Variants in PRR14 observed in about 807,000 individuals in gnomAD.
The protein encoded by PRR14 is proline rich 14, also known as proline-rich protein 14.
A neutral mutation model predicts 57.2 loss-of-function variants in PRR14; 33 were observed. The observed-to-expected ratio is 0.58, with a 90% CI of 0.44 to 0.77. PRR14 has a LOEUF of 0.77. Among genes scored for constraint, PRR14 ranks in the 30% least tolerant of loss-of-function variants. PRR14 has a pLI of 0.00. For missense variants in PRR14, 716 were observed against 788.1 expected (o/e 0.91, Z 1.10); for synonymous variants, 303 against 314.7 (o/e 0.96, Z 0.39).
chr16:30,656,112 C>T lies in PRR14; in HGVS notation c.1559C>T (p.Ala520Val), dbSNP rs750573009. The stretch of plus-strand genomic sequence containing the variant: ...ACCAGCTCAAGGAAGCTCCGGCGGG[C>T]TGTGGAATTTCGGGACAGCAGCCTT... ...IFTSSRKLRR[A>V]VEFRDSSLPR... The change falls in exon 12 of 12, where the codon GCT becomes GTT. Residue 520 changes from alanine to valine, a missense_variant. Coordinates refer to ENST00000300835, the MANE Select transcript of PRR14 (RefSeq NM_024031.5). The T allele has an allele frequency of 1.9e-6, 3 of 1,569,066 alleles. No individual in the cohort carries two copies. The highest frequency in any genetic ancestry group is 2.6e-6 in the Non-Finnish European group (3 of 1,159,716).
rs144579345 is a variant in PRR14, at chr16:30,652,670, C to CCGT, written c.193-49_193-47dup. The CCGT allele has an allele frequency of 2.2e-3, 3,502 of 1,611,268 alleles. 70 individuals are homozygous for CCGT. In the African/African-American group the frequency reaches 0.04, roughly 19 times the overall value. On this transcript the variant is annotated intron_variant, in intron 3 of 11. Transcript: ENST00000300835. ...CTGTGAGGCACAGGGAAACCTTGTCCCGTCCAGCCTCATTCTATCACCTTG... is the reference window on the plus strand; with the variant it reads ...CTGTGAGGCACAGGGAAACCTTGTCCCGTCGTCCAGCCTCATTCTATCACCTTG...
Position 30,654,798 on chromosome 16 carries a change from G to A in PRR14, c.828G>A (p.Pro276=), listed in dbSNP as rs2972807. Residue 276 remains proline (P), a synonymous_variant, in exon 8 of 12, where the codon CCG becomes CCA. Coordinates refer to ENST00000300835, the MANE Select transcript of PRR14 (RefSeq NM_024031.5). ...TPNKTPQPPP[P]SPPMKLELKI... is the part of the protein sequence containing the mutation. ...ACAAAACCCCACAGCCCCCACCCCC[G>A]TCCCCCCCAATGAAGCTGGAGTTGA... 5.9e-5 allele frequency: 35 copies of A among 597,146 alleles called. No homozygotes were observed. The Middle Eastern group carries it at 9.9e-4, about 17-fold the overall frequency. 37.0% of individuals were successfully genotyped at this position (597,146 alleles called of 1,614,324 possible).
chr16:30,650,883 C>A, upstream of PRR14: 1 of 391,242 alleles, frequency 2.6e-6, no homozygotes, highest in Non-Finnish European at 5.4e-6. Context: ...AACTTCTGAA[C>A]CATCTGGTCC....
intron 3 of PRR14, 171 bp downstream of exon 3, chr16:30,652,135 C>A (rs942317700): frequency 2.7e-6 from 2 of 748,826 alleles, no homozygotes; most frequent in Admixed American, 5.4e-5. Flanking sequence ...CTTACTCCAA[C>A]CTAGAATTGG....
In PRR14 at chr16:30,656,311, G is replaced by A. The variant is rs1045062247; in HGVS notation, c.1758G>A (p.Ter586=). 5.0e-6 allele frequency: 8 copies of A among 1,608,684 alleles called. No individual in the cohort carries two copies. The African/African-American group carries it at 8.0e-5, about 16-fold the overall frequency. The change falls in exon 12 of 12, where the codon TAG becomes TAA. Residue 586 remains the stop codon, a stop_retained_variant. Transcript: ENST00000300835. ...TVDREQPHWT[*] ...ATCGGGAGCAGCCCCACTGGACCTAGGTGCCCCATCTGTTGGTCATCCATC... is the reference window on the plus strand; with the variant it reads ...ATCGGGAGCAGCCCCACTGGACCTAAGTGCCCCATCTGTTGGTCATCCATC...
In PRR14 at chr16:30,655,089, G is replaced by A. The variant is rs201824164; in HGVS notation, c.1119G>A (p.Pro373=). The change falls in exon 8 of 12, where the codon CCG becomes CCA. Residue 373 remains proline, a synonymous_variant. Coordinates refer to ENST00000300835, the MANE Select transcript of PRR14 (RefSeq NM_024031.5). This position sits in a 1 kb window ranked among gnomAD's most constrained non-coding sequence, Gnocchi z 4.6. ...GTGGTGGGGAAATGGCCCGAGCCCC[G>A]CCACCCCCTCGGCCCTGTCTCCGGA... ...TVGGGEMARA[P]PPPRPCLRKE... is the part of the protein sequence containing the mutation. 29 of 1,611,670 alleles carry A rather than the reference G, an allele frequency of 1.8e-5. No individual in the cohort carries two copies. In the East Asian group the frequency reaches 2.7e-4, roughly 15 times the overall value.
In PRR14 at chr16:30,654,630, C is replaced by T. The variant is rs2052346494; in HGVS notation, c.660C>T (p.Ala220=). 6.3e-7 allele frequency: 1 copy of T among 1,598,286 alleles called. No homozygotes were observed. Among genetic ancestry groups the T allele is most frequent in the Admixed American group, 1.7e-5 (1 of 59,176 alleles). ...CCTGTGACCCTCTCCTTTCCTCAGC[C>T]CCAGATCCTGCTCTGGAGCTCCCAT... ...PADPLESPPT[A]PDPALELPST... The change falls in exon 8 of 12, where the codon GCC becomes GCT. Residue 220 remains alanine (A), a splice_region_variant and synonymous_variant. Coordinates refer to ENST00000300835, the MANE Select transcript of PRR14 (RefSeq NM_024031.5).
At position 30,656,142 on chromosome 16, in the gene PRR14, G is replaced by T. The variant is rs781069167; in HGVS notation, c.1589G>T (p.Arg530Leu). 1.3e-6 allele frequency: 2 copies of T among 1,580,622 alleles called. No homozygotes were observed. The highest frequency in any genetic ancestry group is 1.7e-6 in the Non-Finnish European group (2 of 1,164,928). ...AVEFRDSSLP[R>L]SRRPSRGVRA... is the part of the protein sequence containing the mutation. The stretch of plus-strand genomic sequence containing the variant: ...GAATTTCGGGACAGCAGCCTTCCTC[G>T]ATCACGAAGACCGTCCCGTGGGGTC... Residue 530 changes from arginine (R) to leucine (L), a missense_variant, in exon 12 of 12, where the codon CGA becomes CTA. Coordinates refer to ENST00000300835, the MANE Select transcript of PRR14 (RefSeq NM_024031.5).
In PRR14 at chr16:30,654,809, TG is replaced by T; in HGVS notation, c.840del (p.Met280IlefsTer5). On this transcript the variant is annotated frameshift_variant, in exon 8 of 12. Coordinates refer to ENST00000300835, the MANE Select transcript of PRR14 (RefSeq NM_024031.5). LOFTEE classifies it high-confidence loss of function. ...TPQPPPPSPP[M>X]KLELKIAISE... is the part of the protein sequence containing the mutation. Reference sequence around the variant, plus strand: ...CAGCCCCCACCCCCGTCCCCCCCAATGAAGCTGGAGTTGAAGATCGCCATCT... The same window carrying T: ...CAGCCCCCACCCCCGTCCCCCCCAATAAGCTGGAGTTGAAGATCGCCATCT... 1 of 833,998 alleles carries T rather than the reference TG, an allele frequency of 1.2e-6. No individual in the cohort carries two copies. Among genetic ancestry groups the T allele is most frequent in the Non-Finnish European group, 1.8e-6 (1 of 565,148 alleles). 51.7% of individuals were successfully genotyped at this position (833,998 alleles called of 1,614,324 possible).
intron 3 of PRR14, chr16:30,652,450 A>G: frequency 3.5e-6 from 2 of 573,724 alleles, no homozygotes; most frequent in Non-Finnish European, 6.3e-6. Flanking sequence ...AAACTGGCCC[A>G]AAAAAGGCAG....
intron 6 of PRR14, 149 bp downstream of exon 6, chr16:30,653,557 T>C: frequency 1.2e-6 from 1 of 804,762 alleles, no homozygotes; most frequent in South Asian, 1.7e-5. Flanking sequence ...CCATGCCTAA[T>C]GCCAGCACTT....
rs775562912 is a variant in PRR14, at chr16:30,655,548, G to A, written c.1361G>A (p.Arg454His). 1.8e-5 allele frequency: 29 copies of A among 1,614,214 alleles called. No individual in the cohort carries two copies. The highest frequency in any genetic ancestry group is 1.6e-4 in the Middle Eastern group (1 of 6,062). The change falls in exon 10 of 12, where the codon CGT becomes CAT. Residue 454 changes from arginine to histidine, a missense_variant. Coordinates refer to ENST00000300835, the MANE Select transcript of PRR14 (RefSeq NM_024031.5). The surrounding 1 kb of genome is among the most constrained non-coding windows in gnomAD (Gnocchi z 4.6). ...TTCAGAATACGCAGAACACCAGCCCGTCCTCAGCTAAACCTTACACCAATG... is the reference window on the plus strand; with the variant it reads ...TTCAGAATACGCAGAACACCAGCCCATCCTCAGCTAAACCTTACACCAATG... Reference protein sequence around the residue: ...SRFRIRRTPARPQLNLTPMGL... With the variant: ...SRFRIRRTPAHPQLNLTPMGL...
chr16:30,651,455 GC>G lies in PRR14; in HGVS notation c.-50-140del. ...GGCAGCGGGAGGACACCCGCTCCGG[GC>G]GACCGGCCGGGGGCGCCCTTTCGCG... On this transcript the variant is annotated intron_variant, in intron 1 of 11. Transcript: ENST00000300835. The surrounding 1 kb of genome is among the most constrained non-coding windows in gnomAD (Gnocchi z 5.0). The G allele has an allele frequency of 2.0e-6, 1 of 494,136 alleles. No individual in the cohort carries two copies. Among genetic ancestry groups the G allele is most frequent in the Non-Finnish European group, 3.5e-6 (1 of 282,254 alleles). The allele number at this position is 494,136 out of a possible 1,614,324, so 30.6% of individuals were successfully genotyped here.
chr16:30,652,696 C>A, intron 3 of PRR14, 25 bp from the exon 4 acceptor site: 1 of 1,614,100 alleles, frequency 6.2e-7, no homozygotes, highest in Non-Finnish European at 8.5e-7. Context: ...TATCACCTTG[C>A]TCTTGACACC....
intron 3 of PRR14, 178 bp downstream of exon 3, chr16:30,652,142 T>C (rs912900176): frequency 4.4e-5 from 31 of 711,278 alleles, no homozygotes; most frequent in Middle Eastern, 3.8e-4. Context: ...CAACCTAGAA[T>C]TGGGCAGTGC....
rs1395029449 is a variant in PRR14, at chr16:30,655,164, A to G, written c.1194A>G (p.Thr398=). The change falls in exon 8 of 12, where the codon ACA becomes ACG. Residue 398 remains threonine, a synonymous_variant. Transcript: ENST00000300835. The surrounding 1 kb of genome is among the most constrained non-coding windows in gnomAD (Gnocchi z 4.6). ...TGGGAGCCTCCCCTTCTCTCACCAC[A>G]TCTTGCTCGTCCACGGCATCCACTT... ...GGVGASPSLT[T]SCSSTASTSF... is the part of the protein sequence containing the mutation. 3 of 1,603,672 alleles carry G rather than the reference A, an allele frequency of 1.9e-6. No homozygotes were observed. The highest frequency in any genetic ancestry group is 2.2e-5 in the South Asian group (2 of 90,682).
Position 30,654,796 on chromosome 16 carries a change from C to A in PRR14, c.826C>A (p.Pro276Thr), listed in dbSNP as rs751204025. Residue 276 changes from proline to threonine, a missense_variant, in exon 8 of 12, where the codon CCG (proline) becomes ACG (threonine). Physicochemically the swap from Pro to Thr is conservative, Grantham distance 38. Coordinates refer to ENST00000300835, the MANE Select transcript of PRR14 (RefSeq NM_024031.5). ...TPNKTPQPPP[P>T]SPPMKLELKI... ...CAACAAAACCCCACAGCCCCCACCC[C>A]CGTCCCCCCCAATGAAGCTGGAGTT... 2.5e-6 allele frequency: 4 copies of A among 1,597,472 alleles called. No homozygotes were observed. The highest frequency in any genetic ancestry group is 3.4e-6 in the Non-Finnish European group (4 of 1,168,818).
rs1387174900 is a variant in PRR14, at chr16:30,653,122, C to T, written c.504+19C>T. 5.7e-6 allele frequency: 9 copies of T among 1,577,118 alleles called. No homozygotes were observed. The highest frequency in any genetic ancestry group is 1.2e-5 in the South Asian group (1 of 86,824). ...CGCTGAGGTATGGGAACTGAGGGTA[C>T]GGATGTCAAGGGTTCTGCTGGGTTC... On this transcript the variant is annotated intron_variant, in intron 5 of 11. Coordinates refer to ENST00000300835, the MANE Select transcript of PRR14 (RefSeq NM_024031.5).
At position 30,655,703 on chromosome 16, in the gene PRR14, T is replaced by G; in HGVS notation, c.1406+110T>G. The G allele has an allele frequency of 3.8e-6, 5 of 1,308,912 alleles. No homozygotes were observed. Among genetic ancestry groups the G allele is most frequent in the Non-Finnish European group, 5.5e-6 (5 of 911,232 alleles). The allele number at this position is 1,308,912 out of a possible 1,614,324, so 81.1% of individuals were successfully genotyped here. ...GGGAGCACAGTCCAGCCTGAAAGAT[T>G]CAATTCGGTGTGGGGATGGTTTGTG... On this transcript the variant is annotated intron_variant, in intron 10 of 11. Coordinates refer to ENST00000300835, the MANE Select transcript of PRR14 (RefSeq NM_024031.5). This position sits in a 1 kb window ranked among gnomAD's most constrained non-coding sequence, Gnocchi z 4.6.
Sources: gnomAD v4.1 joint callset for allele counts on GRCh38, gnomAD v4.1.1 for gene constraint, Gnocchi (gnomAD v3.1) non-coding constraint, MANE v1.5 for transcripts, NCBI Gene and HGNC (gene_info 2026-07-23, HGNC 2026-07-21) for gene names.